KIF5C: variants seen among roughly 807,000 people sequenced by gnomAD.
KIF5C encodes the protein kinesin heavy chain isoform 5C.
KIF5C carries 18 observed loss-of-function variants against 125.2 expected under a neutral mutation model. The ratio of observed to expected loss-of-function variants is 0.14; its 90% CI spans 0.10 to 0.21. KIF5C has a LOEUF of 0.21. KIF5C is among the 10% of genes least tolerant of loss of function. KIF5C has a pLI of 1.00. For synonymous variants in KIF5C, 405 were observed against 434.0 expected (o/e 0.93, Z 0.83); for missense variants, 780 against 1,183.8 (o/e 0.66, Z 5.01).
intron 14 of KIF5C, among the ~76,000 whole-genome samples, chr2:148,983,031 C>T (rs2105161346): frequency 6.6e-6 from 1 of 152,250 alleles, no homozygotes; most frequent in Admixed American, 6.5e-5. Context: ...TAGTAAGAAA[C>T]CAACTATTGA....
In KIF5C at chr2:148,941,668, C is replaced by T. The variant is rs1198460466; in HGVS notation, c.445+10C>T. 5.1e-6 allele frequency: 8 copies of T among 1,557,744 alleles called. No individual in the cohort carries two copies. Among genetic ancestry groups the T allele is most frequent in the Non-Finnish European group, 6.1e-6 (7 of 1,149,414 alleles). On this transcript the variant is annotated intron_variant, in intron 5 of 25. Coordinates refer to ENST00000435030, the MANE Select transcript of KIF5C (RefSeq NM_004522.3). ...AGGGACTTACTTGATGGTAAGTAACCTCAGTGCTTGTCCTTTATTTGTTCT... is the reference window on the plus strand; with the variant it reads ...AGGGACTTACTTGATGGTAAGTAACTTCAGTGCTTGTCCTTTATTTGTTCT...
rs1158346062 is a variant in KIF5C, at chr2:149,025,317, C to T, written c.*2247C>T. ...GCCAGTCAGTTCACCTAGCTTCAAT[C>T]TTTATAGGACTTCTAATCTAATTTT... On this transcript the variant is annotated 3_prime_UTR_variant, in exon 26 of 26. Transcript: ENST00000435030. 1 of 152,614 alleles carries T rather than the reference C, an allele frequency of 6.6e-6. No individual in the cohort carries two copies. Among genetic ancestry groups the T allele is most frequent in the Non-Finnish European group, 1.5e-5 (1 of 68,020 alleles). The allele number at this position is 152,614 out of a possible 1,614,324, so 9.5% of individuals were successfully genotyped here. A position where few individuals can be genotyped will look rare whatever the true frequency, so the allele number is the denominator to read the frequency against.
At chr2:149,004,339 A>G (rs1210217742) in intron 21 of KIF5C, among the ~76,000 whole-genome samples, 4 of 152,226 alleles carry the variant, frequency 2.6e-5, no homozygotes, top group African/African-American at 9.6e-5. Flanking sequence ...AAGTAGGTCA[A>G]TTTAGACAAA....
chr2:148,954,978 A>G (rs538060757), intron 10 of KIF5C, among the ~76,000 whole-genome samples: 2 of 152,304 alleles, frequency 1.3e-5, no homozygotes, highest in East Asian at 1.9e-4. Context: ...GAGGGAAGAA[A>G]TACTGTGGGT....
At chr2:149,021,950 A>C (rs1331930518) in intron 25 of KIF5C, among the ~76,000 whole-genome samples, 1 of 152,064 alleles carries the variant, frequency 6.6e-6, no homozygotes, top group Admixed American at 6.5e-5. Flanking sequence ...TGTCTTCTGA[A>C]AGTTGAGCTT....
chr2:149,006,986 A>C (rs1682027823), intron 22 of KIF5C, among the ~76,000 whole-genome samples: 1 of 152,218 alleles, frequency 6.6e-6, no homozygotes, highest in Non-Finnish European at 1.5e-5. Flanking sequence ...TCCCTAGGAA[A>C]GCCCTGCTTT....
chr2:148,875,556 C>T lies in KIF5C; in HGVS notation c.-62C>T. 7.4e-7 allele frequency: 1 copy of T among 1,354,306 alleles called. No individual in the cohort carries two copies. Among genetic ancestry groups the T allele is most frequent in the Non-Finnish European group, 1.0e-6 (1 of 972,616 alleles). 83.9% of individuals were successfully genotyped at this position (1,354,306 alleles called of 1,614,324 possible). Reference sequence around the variant, plus strand: ...GGCGGTGCAGCTCGCGGCCTCCTCCCTCGTCGTTCCCGGCCCCGGCCCCCC... The same window carrying T: ...GGCGGTGCAGCTCGCGGCCTCCTCCTTCGTCGTTCCCGGCCCCGGCCCCCC... On this transcript the variant is annotated 5_prime_UTR_variant, in exon 1 of 26. Transcript: ENST00000435030.
At chr2:148,895,620 G>A (rs546026723) in intron 1 of KIF5C, among the ~76,000 whole-genome samples, 1 of 152,028 alleles carries the variant, frequency 6.6e-6, no homozygotes, top group East Asian at 1.9e-4. Context: ...CATAGCTTAC[G>A]TAAATTCTAT....
intron 7 of KIF5C, among the ~76,000 whole-genome samples, chr2:148,945,594 T>C (rs1156466479): frequency 6.6e-6 from 1 of 152,262 alleles, no homozygotes; most frequent in Non-Finnish European, 1.5e-5. Context: ...GTACAGGTGG[T>C]ATTTGGTTAC....
chr2:148,977,045 T>G (rs1681096419), intron 12 of KIF5C, among the ~76,000 whole-genome samples: 1 of 152,218 alleles, frequency 6.6e-6, no homozygotes, highest in African/African-American at 2.4e-5. Context: ...GCACACCTTA[T>G]TATTCTGGAG....
At chr2:148,884,527 CAT>C (rs1681457918) in intron 1 of KIF5C, among the ~76,000 whole-genome samples, 1 of 152,140 alleles carries the variant, frequency 6.6e-6, no homozygotes. Flanking sequence ...CAGTTTTAAC[CAT>C]GATCAGCAAA....
At chr2:148,942,883 T>G in intron 7 of KIF5C, 123 bp downstream of exon 7, 41 of 1,504,728 alleles carry the variant, frequency 2.7e-5, no homozygotes, top group Non-Finnish European at 3.7e-5. Context: ...TAAAGAGCAG[T>G]GCTCGGACAC....
At position 148,998,596 on chromosome 2, in the gene KIF5C, A is replaced by G. The variant is rs1362981391; in HGVS notation, c.2210+87A>G. 2.0e-6 allele frequency: 3 copies of G among 1,530,382 alleles called. No individual in the cohort carries two copies. In the African/African-American group the frequency reaches 4.1e-5, roughly 21 times the overall value. 94.8% of individuals were successfully genotyped at this position (1,530,382 alleles called of 1,614,324 possible). ...CCTGGAAGGATGTGGCTCTTAGTCGAGGGCCCTGCTCACCTTGCCCTGTGG... is the reference window on the plus strand; with the variant it reads ...CCTGGAAGGATGTGGCTCTTAGTCGGGGGCCCTGCTCACCTTGCCCTGTGG... On this transcript the variant is annotated intron_variant, in intron 19 of 25. Coordinates refer to ENST00000435030, the MANE Select transcript of KIF5C (RefSeq NM_004522.3).
chr2:148,989,136 T>G (rs1167520572), intron 15 of KIF5C, among the ~76,000 whole-genome samples: 1 of 152,116 alleles, frequency 6.6e-6, no homozygotes, highest in Admixed American at 6.6e-5. Flanking sequence ...TTCTTCCAAG[T>G]CCCCAAAGTC....
chr2:148,926,228 T>C lies in KIF5C; in HGVS notation c.218-3053T>C, dbSNP rs189845389. Among the ~76,000 whole-genome samples the C allele has an allele frequency of 5.4e-4, 82 of 152,338 alleles. 2 individuals are homozygous for C. The highest frequency in any genetic ancestry group is 4.8e-3 in the East Asian group (25 of 5,182). On this transcript the variant is annotated intron_variant, in intron 2 of 25. Coordinates refer to ENST00000435030, the MANE Select transcript of KIF5C (RefSeq NM_004522.3). ...AAGGAGCATTTTAAGTATCTACTGCTATCCTTCCTCCTCCCCTGGGAGATG... is the reference window on the plus strand; with the variant it reads ...AAGGAGCATTTTAAGTATCTACTGCCATCCTTCCTCCTCCCCTGGGAGATG...
chr2:148,942,685 C>T lies in KIF5C; in HGVS notation c.514C>T (p.Arg172Trp). 3 of 1,610,230 alleles carry T rather than the reference C, an allele frequency of 1.9e-6. No homozygotes were observed. Among genetic ancestry groups the T allele is most frequent in the Non-Finnish European group, 1.7e-6 (2 of 1,178,522 alleles). ...GATTCTCTTCCAGGGGTGCACTGAG[C>T]GGTTTGTGTCGAGCCCTGAGGAAGT... is the stretch of plus-strand genomic sequence containing the variant. ...RVPYVKGCTE[R>W]FVSSPEEVMD... is the part of the protein sequence containing the mutation. Residue 172 changes from arginine (R) to tryptophan (W), a missense_variant, in exon 7 of 26, where the codon CGG becomes TGG. Physicochemically the swap from Arg to Trp is moderately radical, Grantham distance 101. Coordinates refer to ENST00000435030, the MANE Select transcript of KIF5C (RefSeq NM_004522.3).
intron 14 of KIF5C, among the ~76,000 whole-genome samples, chr2:148,982,744 C>T (rs1340584703): frequency 6.6e-6 from 1 of 152,190 alleles, no homozygotes; most frequent in Non-Finnish European, 1.5e-5. Flanking sequence ...TTAATTAGTC[C>T]TTCATGTTAC....
chr2:149,014,272 C>T (rs956502458), intron 25 of KIF5C, among the ~76,000 whole-genome samples: 8 of 152,194 alleles, frequency 5.3e-5, no homozygotes, highest in African/African-American at 1.9e-4. Context: ...TGATTCCCCC[C>T]ACCTCAGCTT....
intron 1 of KIF5C, among the ~76,000 whole-genome samples, chr2:148,904,286 A>G (rs1256078222): frequency 2.6e-5 from 4 of 152,238 alleles, no homozygotes; most frequent in Non-Finnish European, 4.4e-5. Flanking sequence ...ACAAGCGTTA[A>G]GAGCACAGGC....
Sources: allele counts gnomAD v4.1 joint callset (sites outside exome capture counted in the v4.1 genomes callset), GRCh38; gene constraint gnomAD v4.1.1; transcripts MANE v1.5; gene names NCBI Gene and HGNC (gene_info 2026-07-23, HGNC 2026-07-21).